NUDCD1: variants seen among roughly 807,000 people sequenced by gnomAD.
The protein encoded by NUDCD1 is nudC domain-containing protein 1.
NUDCD1 carries 60 observed loss-of-function variants against 67.8 expected under a neutral mutation model. The ratio of observed to expected loss-of-function variants is 0.88; its 90% CI spans 0.72 to 1.10. NUDCD1 has a LOEUF of 1.10. NUDCD1 is among the 50% of genes least tolerant of loss of function. The probability of loss-of-function intolerance (pLI) is 0.00; values close to 1 mark genes in which losing one functional copy is unlikely to be tolerated. For missense variants in NUDCD1, 643 were observed against 695.0 expected, an observed-to-expected ratio of 0.93 and a Z score of 0.84; for synonymous variants, 244 against 230.8, an observed-to-expected ratio of 1.06 and a Z score of -0.52.
At chr8:109,305,891 G>A (rs984073030) in intron 2 of NUDCD1, among the ~76,000 whole-genome samples, 11 of 152,084 alleles carry the variant, frequency 7.2e-5, no homozygotes, top group East Asian at 1.9e-4. Flanking sequence ...CCTGGAAGTC[G>A]CAAGTACTCC....
intron 1 of NUDCD1, 25 bp downstream of exon 1, chr8:109,333,868 T>C: frequency 6.2e-7 from 1 of 1,612,526 alleles, no homozygotes; most frequent in Non-Finnish European, 8.5e-7. Context: ...AGGAACGGAG[T>C]ACGAAGGGCG....
chr8:109,329,866 C>T, intron 1 of NUDCD1: 1 of 1,548,590 alleles, frequency 6.5e-7, no homozygotes, highest in Non-Finnish European at 8.7e-7. Flanking sequence ...CCCTTCAATA[C>T]AAAATCAATA....
At chr8:109,330,959 G>A (rs1815790969) in intron 1 of NUDCD1, among the ~76,000 whole-genome samples, 1 of 152,048 alleles carries the variant, frequency 6.6e-6, no homozygotes, top group Non-Finnish European at 1.5e-5. Context: ...CCTAGGTGAT[G>A]GGTTGACGGG....
chr8:109,256,155 T>G (rs1813732502), intron 8 of NUDCD1, among the ~76,000 whole-genome samples: 2 of 152,132 alleles, frequency 1.3e-5, no homozygotes, highest in African/African-American at 4.8e-5. Context: ...TAGGCTGCAG[T>G]GAGCATGCAC....
chr8:109,289,815 T>C lies in NUDCD1; in HGVS notation c.759A>G (p.Thr253=), dbSNP rs761593241. The change falls in exon 5 of 10, where the codon ACA becomes ACG. Residue 253 remains threonine, a synonymous_variant. Transcript: ENST00000239690. ...CAAGATCTTGACCAGCCTGAACAAA[T>C]GTTAAAGACTTGTAGGATACAATCA... ...GLMIVSYKSL[T]FVQAGQDLEE... The C allele has an allele frequency of 9.6e-6, 15 of 1,569,636 alleles. No individual in the cohort carries two copies. The South Asian group carries it at 1.6e-4, about 17-fold the overall frequency.
At chr8:109,323,708 C>T (rs1339787535) in intron 1 of NUDCD1, among the ~76,000 whole-genome samples, 1 of 151,962 alleles carries the variant, frequency 6.6e-6, no homozygotes, top group Non-Finnish European at 1.5e-5. Flanking sequence ...AAGAAAACTA[C>T]AAAACATTAA....
chr8:109,291,607 A>G (rs1814713636), intron 4 of NUDCD1, among the ~76,000 whole-genome samples: 1 of 148,232 alleles, frequency 6.7e-6, no homozygotes, highest in African/African-American at 2.4e-5. Flanking sequence ...CTAAAAAGAA[A>G]AAGAAGAAAA....
At chr8:109,326,664 T>G (rs768550097) in intron 1 of NUDCD1, among the ~76,000 whole-genome samples, 16 of 152,148 alleles carry the variant, frequency 1.1e-4, no homozygotes, top group Non-Finnish European at 1.5e-4. Flanking sequence ...AAAAAGAACT[T>G]AGGGCCTCAA....
chr8:109,291,137 T>A (rs548570980), intron 4 of NUDCD1, among the ~76,000 whole-genome samples: 1 of 152,114 alleles, frequency 6.6e-6, no homozygotes, highest in African/African-American at 2.4e-5. Flanking sequence ...GGAGAAATGC[T>A]AGGTTAAAAT....
intron 1 of NUDCD1, among the ~76,000 whole-genome samples, chr8:109,331,092 C>T (rs1014225180): frequency 2.0e-5 from 3 of 152,058 alleles, no homozygotes; most frequent in African/African-American, 7.2e-5. Context: ...CTGTTAATCC[C>T]AGCACTTTGG....
intron 5 of NUDCD1, 127 bp from the exon 6 acceptor site, chr8:109,281,299 A>C: frequency 1.7e-6 from 1 of 585,718 alleles, no homozygotes. Flanking sequence ...ATTATAAACA[A>C]ACATGCACAG....
chr8:109,259,843 C>T (rs1813825374), intron 8 of NUDCD1, among the ~76,000 whole-genome samples: 1 of 152,138 alleles, frequency 6.6e-6, no homozygotes, highest in Non-Finnish European at 1.5e-5. Flanking sequence ...AGGAGCAACA[C>T]AAATTTACCT....
In NUDCD1 at chr8:109,243,414, G is replaced by C. The variant is rs1046024810; in HGVS notation, c.1460-113C>G. ...GTTTATTACAAATTAAAATGCCCAAGTAAAATATATACCATAAGGTATATA... is the reference window on the plus strand; with the variant it reads ...GTTTATTACAAATTAAAATGCCCAACTAAAATATATACCATAAGGTATATA... On this transcript the variant is annotated intron_variant, in intron 9 of 9. Coordinates refer to ENST00000239690, the MANE Select transcript of NUDCD1 (RefSeq NM_032869.4). 5.1e-6 allele frequency: 4 copies of C among 787,346 alleles called. No individual in the cohort carries two copies. In the African/African-American group the frequency reaches 7.0e-5, roughly 14 times the overall value. The allele number at this position is 787,346 out of a possible 1,614,324, so 48.8% of individuals were successfully genotyped here. A position where few individuals can be genotyped will look rare whatever the true frequency, so the allele number is the denominator to read the frequency against.
At chr8:109,285,715 A>C (rs1212252482) in intron 5 of NUDCD1, among the ~76,000 whole-genome samples, 2 of 152,240 alleles carry the variant, frequency 1.3e-5, no homozygotes, top group South Asian at 2.1e-4. Flanking sequence ...CATACTGAAC[A>C]GGCAAAAACG....
At chr8:109,276,722 T>C (rs1814297921) in intron 6 of NUDCD1, among the ~76,000 whole-genome samples, 2 of 152,274 alleles carry the variant, frequency 1.3e-5, no homozygotes, top group African/African-American at 2.4e-5. Flanking sequence ...AATGGCACAA[T>C]CTCTCTTACT....
intron 8 of NUDCD1, among the ~76,000 whole-genome samples, chr8:109,258,181 C>A (rs1454320200): frequency 6.6e-6 from 1 of 152,070 alleles, no homozygotes; most frequent in South Asian, 2.1e-4. Context: ...TGCAGCCCAT[C>A]TGTAACTGAT....
In NUDCD1 at chr8:109,264,605, C is replaced by G. The variant is rs931001500; in HGVS notation, c.1299+6400G>C. Among the ~76,000 whole-genome samples the G allele has an allele frequency of 5.3e-5, 8 of 152,090 alleles. No individual in the cohort carries two copies. In the South Asian group the frequency reaches 1.7e-3, roughly 32 times the overall value. On this transcript the variant is annotated intron_variant, in intron 8 of 9. Transcript: ENST00000239690. ...AGAGCATGAAAAGTTTACATTGCAA[C>G]TAATATTTAAGAAATGGGCATGTCA...
At chr8:109,287,796 A>T (rs994831637) in intron 5 of NUDCD1, among the ~76,000 whole-genome samples, 1 of 152,174 alleles carries the variant, frequency 6.6e-6, no homozygotes, top group South Asian at 2.1e-4. Context: ...TTGAAATTTT[A>T]AAAATGTATT....
At chr8:109,323,025 A>T (rs1013992193) in intron 1 of NUDCD1, among the ~76,000 whole-genome samples, 21 of 152,198 alleles carry the variant, frequency 1.4e-4, no homozygotes, top group African/African-American at 5.1e-4. Context: ...TAGAAACAAG[A>T]TCTCCTACTT....
Sources: allele counts gnomAD v4.1 joint callset (sites outside exome capture counted in the v4.1 genomes callset), GRCh38; gene constraint gnomAD v4.1.1; transcripts MANE v1.5; gene names NCBI Gene and HGNC (gene_info 2026-07-23, HGNC 2026-07-21).